Variants in CACNA2D3 observed in about 807,000 individuals in gnomAD.
CACNA2D3 encodes voltage-dependent calcium channel subunit alpha-2/delta-3.
CACNA2D3 carries 60 observed loss-of-function variants against 160.6 expected under a neutral mutation model. That is an observed-to-expected ratio of 0.37 (90% confidence interval 0.30 to 0.46). The LOEUF (loss-of-function observed/expected upper bound fraction) is 0.46. CACNA2D3 is among the 20% of genes least tolerant of loss of function. The pLI, the probability that CACNA2D3 is intolerant of heterozygous loss-of-function variation, is 1.00. For synonymous variants in CACNA2D3, 558 were observed against 492.9 expected (o/e 1.13, Z -1.75); for missense variants, 1,205 against 1,365.0 (o/e 0.88, Z 1.85).
In CACNA2D3 at chr3:55,058,144, T is replaced by C. The variant is rs144548091; in HGVS notation, c.2988-15301T>C. On this transcript the variant is annotated intron_variant, in intron 35 of 37. Transcript: ENST00000474759. ...CAGAGTGAATAATCATGCTATGTTG[T>C]GATAAGGGACAGTTGAATAGGGGTG... is the stretch of plus-strand genomic sequence containing the variant. 5.8e-3 allele frequency among the ~76,000 whole-genome samples: 884 copies of C among 152,324 alleles called. 6 individuals carry two copies. The highest frequency in any genetic ancestry group is 0.02 in the African/African-American group (840 of 41,572).
intron 4 of CACNA2D3, among the ~76,000 whole-genome samples, chr3:54,461,717 CA>C (rs1382520757): frequency 6.6e-6 from 1 of 151,584 alleles, no homozygotes; most frequent in Non-Finnish European, 1.5e-5. Context: ...TTGATCCTTT[CA>C]AAAAACCAGC....
intron 27 of CACNA2D3, among the ~76,000 whole-genome samples, chr3:54,925,643 G>A (rs1473735937): frequency 2.0e-5 from 3 of 152,220 alleles, no homozygotes; most frequent in Non-Finnish European, 4.4e-5. Flanking sequence ...GAACAGTGCT[G>A]TCTAATACAA....
chr3:54,342,335 A>C (rs548271936), intron 3 of CACNA2D3, among the ~76,000 whole-genome samples: 3 of 151,992 alleles, frequency 2.0e-5, no homozygotes, highest in African/African-American at 7.2e-5. Flanking sequence ...CCTACTGTTG[A>C]GTTAGTAATA....
At position 54,988,052 on chromosome 3, in the gene CACNA2D3, G is replaced by A. The variant is rs1575423652; in HGVS notation, c.2690+299G>A. 2.6e-5 allele frequency among the ~76,000 whole-genome samples: 4 copies of A among 152,314 alleles called. No individual in the cohort carries two copies. The South Asian group carries it at 6.2e-4, about 24-fold the overall frequency. On this transcript the variant is annotated intron_variant, in intron 31 of 37. Transcript: ENST00000474759. ...TTATGTCAGTCTGAAGCAAGTCACT[G>A]CGAAGAAGTAGGAAAGGTTTTCACC...
Position 55,057,783 on chromosome 3 carries a change from C to T in CACNA2D3, c.2988-15662C>T, listed in dbSNP as rs542300648. ...TCCATTTTTTTCTTCCCCTTTATTG[C>T]ATATTGATATTCTTTGTGTGGATCA... is the stretch of plus-strand genomic sequence containing the variant. On this transcript the variant is annotated intron_variant, in intron 35 of 37. Coordinates refer to ENST00000474759, the MANE Select transcript of CACNA2D3 (RefSeq NM_018398.3). Among the ~76,000 whole-genome samples, 4 of 152,218 alleles carry T rather than the reference C, an allele frequency of 2.6e-5. No individual in the cohort carries two copies. In the East Asian group the frequency reaches 7.7e-4, roughly 29 times the overall value.
intron 2 of CACNA2D3, among the ~76,000 whole-genome samples, chr3:54,198,198 C>G (rs894324048): frequency 4.6e-5 from 7 of 152,170 alleles, no homozygotes; most frequent in Non-Finnish European, 1.0e-4. Flanking sequence ...TTTGTAATAC[C>G]TAAAAGAGCC....
chr3:54,371,239 G>A (rs1478489987), intron 3 of CACNA2D3, among the ~76,000 whole-genome samples: 4 of 152,044 alleles, frequency 2.6e-5, no homozygotes, highest in African/African-American at 7.2e-5. Context: ...TCTAGGAGTC[G>A]AATTGCTGGG....
At chr3:54,965,384 T>C (rs75233684) in intron 27 of CACNA2D3, among the ~76,000 whole-genome samples, 98 of 152,254 alleles carry the variant, frequency 6.4e-4, no homozygotes, top group African/African-American at 2.2e-3. Flanking sequence ...TCCCCTCCCT[T>C]ACTGTTTCCT....
intron 31 of CACNA2D3, among the ~76,000 whole-genome samples, chr3:55,003,878 AAAC>A (rs1703034419): frequency 6.6e-6 from 1 of 152,184 alleles, no homozygotes. Context: ...GAACTTCAGA[AAAC>A]AACTGCATCC....
At chr3:54,273,330 A>AT (rs1250794469) in intron 2 of CACNA2D3, among the ~76,000 whole-genome samples, 1 of 151,484 alleles carries the variant, frequency 6.6e-6, no homozygotes, top group East Asian at 1.9e-4. Context: ...GAAAATATAT[A>AT]TTTTTTTCTC....
intron 27 of CACNA2D3, among the ~76,000 whole-genome samples, chr3:54,934,967 ACCTCAAGTGAT>A (rs1325717143): frequency 6.6e-6 from 1 of 152,162 alleles, no homozygotes; most frequent in Non-Finnish European, 1.5e-5. Context: ...CGAACTCCTG[ACCTCAAGTGAT>A]CCACCCGCCT....
chr3:54,552,146 C>T (rs1702168932), intron 5 of CACNA2D3, among the ~76,000 whole-genome samples: 1 of 152,118 alleles, frequency 6.6e-6, no homozygotes, highest in Non-Finnish European at 1.5e-5. Context: ...GCAGTAGCCT[C>T]ACTGGCCTGC....
At chr3:54,803,884 G>C (rs867680270) in intron 13 of CACNA2D3, among the ~76,000 whole-genome samples, 9 of 152,202 alleles carry the variant, frequency 5.9e-5, no homozygotes, top group Admixed American at 4.6e-4. Flanking sequence ...AGCCAGAAGA[G>C]AGTGGGGGCC....
intron 11 of CACNA2D3, among the ~76,000 whole-genome samples, chr3:54,703,772 G>C (rs1019793436): frequency 6.6e-6 from 1 of 152,074 alleles, no homozygotes; most frequent in Non-Finnish European, 1.5e-5. Context: ...GCAAAATGTC[G>C]GCAAGCTCAC....
intron 2 of CACNA2D3, among the ~76,000 whole-genome samples, chr3:54,151,119 A>AT (rs1328843395): frequency 6.6e-6 from 1 of 151,670 alleles, no homozygotes; most frequent in East Asian, 1.9e-4. Flanking sequence ...GGGTGAATGG[A>AT]TGGATGAGTG....
chr3:54,196,166 A>C (rs1701076276), intron 2 of CACNA2D3, among the ~76,000 whole-genome samples: 2 of 152,232 alleles, frequency 1.3e-5, no homozygotes, highest in Non-Finnish European at 2.9e-5. Context: ...TGTCTACTGA[A>C]ATACGTATTA....
Position 54,569,861 on chromosome 3 carries a change from CAG to C in CACNA2D3, c.737+7_737+8del. 1 of 1,609,942 alleles carries C rather than the reference CAG, an allele frequency of 6.2e-7. No individual in the cohort carries two copies. Among genetic ancestry groups the C allele is most frequent in the Non-Finnish European group, 8.5e-7 (1 of 1,177,744 alleles). ...GACTGCAGGAACCGAAAATGGTAGGCAGTGGTCAGACCTCTTTGTTATTTCTC... is the reference window on the plus strand; with the variant it reads ...GACTGCAGGAACCGAAAATGGTAGGCTGGTCAGACCTCTTTGTTATTTCTC... On this transcript the variant is annotated splice_region_variant and intron_variant, in intron 7 of 37. Coordinates refer to ENST00000474759, the MANE Select transcript of CACNA2D3 (RefSeq NM_018398.3).
At chr3:54,360,045 GC>G (rs1698715826) in intron 3 of CACNA2D3, among the ~76,000 whole-genome samples, 2 of 152,194 alleles carry the variant, frequency 1.3e-5, no homozygotes, top group African/African-American at 4.8e-5. Flanking sequence ...AGCATCCTAG[GC>G]CAGGAGTTAG....
intron 2 of CACNA2D3, among the ~76,000 whole-genome samples, chr3:54,248,119 T>G (rs79552582): frequency 0.022 from 3,302 of 150,568 alleles, 145 homozygotes; most frequent in East Asian, 0.11. Flanking sequence ...TGATTCCCAA[T>G]GTGACTATAT....
Sources: gnomAD v4.1 joint callset for allele counts (sites outside exome capture counted in the v4.1 genomes callset) on GRCh38, gnomAD v4.1.1 for gene constraint, MANE v1.5 for transcripts, NCBI Gene and HGNC (gene_info 2026-07-23, HGNC 2026-07-21) for gene names.